IFT43: variants seen among roughly 807,000 people sequenced by gnomAD.
IFT43 encodes the protein intraflagellar transport 43, also known as intraflagellar transport protein 43 homolog.
IFT43 carries 33 observed loss-of-function variants against 32.3 expected under a neutral mutation model. That is an observed-to-expected ratio of 1.02 (90% confidence interval 0.77 to 1.37). The LOEUF (loss-of-function observed/expected upper bound fraction) is 1.37, where lower values mean the gene tolerates loss of function less well. IFT43 is among the 40% of genes most tolerant of loss of function. IFT43 has a pLI of 0.00. For missense variants in IFT43, 274 were observed against 265.9 expected (o/e 1.03, Z -0.21); for synonymous variants, 93 against 98.2 (o/e 0.95, Z 0.31).
chr14:75,991,345 A>G (rs2035634706), intron 2 of IFT43, among the ~76,000 whole-genome samples: 1 of 149,008 alleles, frequency 6.7e-6, no homozygotes, highest in Admixed American at 6.7e-5. Context: ...TATAATTAAC[A>G]ATAAGAGTAT....
chr14:76,040,678 C>G (rs988158271), intron 3 of IFT43, among the ~76,000 whole-genome samples: 2 of 152,252 alleles, frequency 1.3e-5, no homozygotes, highest in African/African-American at 4.8e-5. Flanking sequence ...TCTTGCACTT[C>G]TGTTGAGTGC....
intron 5 of IFT43, among the ~76,000 whole-genome samples, chr14:76,077,556 G>A (rs11845417): frequency 0.011 from 1,622 of 152,254 alleles, 26 homozygotes; most frequent in African/African-American, 0.037. Context: ...CAGACTTGGG[G>A]CAAATTTCAT....
At chr14:76,004,840 A>G (rs755318951) in intron 2 of IFT43, among the ~76,000 whole-genome samples, 88 of 152,132 alleles carry the variant, frequency 5.8e-4, no homozygotes, top group Admixed American at 9.2e-4. Context: ...GTTAAGCCCA[A>G]CTGATTTTTT....
chr14:76,008,509 A>T (rs899726162), intron 2 of IFT43, among the ~76,000 whole-genome samples: 15 of 152,184 alleles, frequency 9.9e-5, no homozygotes, highest in Admixed American at 3.9e-4. Context: ...ACATGAGGAA[A>T]AGGAGGCTCA....
intron 3 of IFT43, among the ~76,000 whole-genome samples, chr14:76,038,780 T>C (rs2036651399): frequency 6.6e-6 from 1 of 152,224 alleles, no homozygotes; most frequent in Non-Finnish European, 1.5e-5. Flanking sequence ...TTTAGTCCTT[T>C]CCTATCTTCA....
chr14:76,075,488 T>G (rs2037396733), intron 5 of IFT43, among the ~76,000 whole-genome samples: 1 of 152,268 alleles, frequency 6.6e-6, no homozygotes, highest in African/African-American at 2.4e-5. Context: ...TAAAAAATTC[T>G]CCATTTTTTG....
At chr14:76,016,192 T>G (rs1005470470) in intron 2 of IFT43, among the ~76,000 whole-genome samples, 1 of 152,210 alleles carries the variant, frequency 6.6e-6, no homozygotes, top group Admixed American at 6.5e-5. Context: ...CTGTCAGGTC[T>G]TACATTTAAA....
chr14:76,030,477 A>G lies in IFT43; in HGVS notation c.215+8083A>G, dbSNP rs575624268. 4.6e-5 allele frequency among the ~76,000 whole-genome samples: 7 copies of G among 152,310 alleles called. No homozygotes were observed. The South Asian group carries it at 1.0e-3, about 23-fold the overall frequency. On this transcript the variant is annotated intron_variant, in intron 3 of 8. Coordinates refer to ENST00000314067, the MANE Select transcript of IFT43 (RefSeq NM_001102564.3). ...AGAATAGTTATAGAATTCACGGTCT[A>G]TATACACACTGCCCATTGCTATTGG...
chr14:76,028,053 A>G (rs1307241971), intron 3 of IFT43, among the ~76,000 whole-genome samples: 1 of 152,074 alleles, frequency 6.6e-6, no homozygotes, highest in Non-Finnish European at 1.5e-5. Context: ...ATAAGATTCA[A>G]GTTAAAGGTT....
intron 5 of IFT43, among the ~76,000 whole-genome samples, chr14:76,078,283 A>G (rs908630325): frequency 3.3e-5 from 5 of 152,208 alleles, no homozygotes; most frequent in Non-Finnish European, 2.9e-5. Context: ...TGAATTTATT[A>G]CTACCTATAA....
At chr14:75,994,491 T>C (rs1162255054) in intron 2 of IFT43, among the ~76,000 whole-genome samples, 1 of 152,222 alleles carries the variant, frequency 6.6e-6, no homozygotes, top group African/African-American at 2.4e-5. Context: ...TTGTGTCTAC[T>C]TTTTTAGGGT....
intron 2 of IFT43, among the ~76,000 whole-genome samples, chr14:76,008,781 G>T (rs1477515885): frequency 6.6e-6 from 1 of 152,210 alleles, no homozygotes; most frequent in African/African-American, 2.4e-5. Context: ...CAAGTGCAAA[G>T]ATTTATACTG....
At chr14:76,045,524 T>C (rs921751118) in intron 3 of IFT43, among the ~76,000 whole-genome samples, 1 of 151,758 alleles carries the variant, frequency 6.6e-6, no homozygotes, top group Non-Finnish European at 1.5e-5. Flanking sequence ...CAGAAAGGAG[T>C]TTGTCTCACA....
intron 2 of IFT43, among the ~76,000 whole-genome samples, chr14:76,007,964 T>G (rs1312657820): frequency 6.6e-6 from 1 of 152,208 alleles, no homozygotes; most frequent in Admixed American, 6.5e-5. Context: ...TGGATCCGCC[T>G]CTTCAACAAA....
At chr14:76,009,408 A>G (rs1264561108) in intron 2 of IFT43, among the ~76,000 whole-genome samples, 2 of 152,236 alleles carry the variant, frequency 1.3e-5, no homozygotes, top group Non-Finnish European at 2.9e-5. Flanking sequence ...ATATTATTTT[A>G]TCATTAGCTT....
intron 3 of IFT43, among the ~76,000 whole-genome samples, chr14:76,039,885 C>G (rs1252872698): frequency 1.3e-5 from 2 of 152,172 alleles, no homozygotes; most frequent in Non-Finnish European, 2.9e-5. Context: ...CATATGCATT[C>G]TGCACTTTTA....
At chr14:76,074,755 G>C (rs1250933493) in intron 5 of IFT43, among the ~76,000 whole-genome samples, 1 of 152,180 alleles carries the variant, frequency 6.6e-6, no homozygotes, top group African/African-American at 2.4e-5. Context: ...ATACACCATA[G>C]TGTCTCCAGA....
intron 2 of IFT43, among the ~76,000 whole-genome samples, chr14:75,999,281 A>AT (rs371670856): frequency 2.7e-3 from 104 of 38,968 alleles, no homozygotes; most frequent in Admixed American, 4.4e-3. Context: ...ATGTATATAT[A>AT]TTTTTTTTTT....
chr14:76,015,465 C>T (rs1030935388), intron 2 of IFT43, among the ~76,000 whole-genome samples: 24 of 152,254 alleles, frequency 1.6e-4, no homozygotes, highest in African/African-American at 5.5e-4. Flanking sequence ...TTTTACTTTT[C>T]TGAATGATCT....
Sources: allele counts gnomAD v4.1 joint callset (sites outside exome capture counted in the v4.1 genomes callset), GRCh38; gene constraint gnomAD v4.1.1; transcripts MANE v1.5; gene names NCBI Gene and HGNC (gene_info 2026-07-23, HGNC 2026-07-21).